NSF: variants seen among roughly 807,000 people sequenced by gnomAD.
NSF encodes vesicle-fusing ATPase.
Under a neutral mutation model 50.3 loss-of-function variants are expected in NSF, and 14 were observed. The observed-to-expected ratio is 0.28, with a 90% CI of 0.18 to 0.44. NSF has a LOEUF of 0.44. Among genes scored for constraint, NSF ranks in the 20% least tolerant of loss-of-function variants. The pLI is 1.00. For missense variants in NSF, 218 were observed against 504.3 expected (o/e 0.43, Z 5.44); for synonymous variants, 109 against 175.7 (o/e 0.62, Z 3.00).
intron 17 of NSF, among the ~76,000 whole-genome samples, chr17:46,734,552 T>C (rs537888013): frequency 1.3e-5 from 2 of 152,244 alleles, no homozygotes; most frequent in Non-Finnish European, 2.9e-5. Flanking sequence ...TGTGTGTGTA[T>C]ATATACATAT....
chr17:46,703,369 TTTTTAAAATTG>T (rs1273605616), intron 12 of NSF, among the ~76,000 whole-genome samples: 31 of 98,694 alleles, frequency 3.1e-4, no homozygotes, highest in Non-Finnish European at 6.0e-4. Context: ...TTGATTCCAA[TTTTTAAAATTG>T]TTTTAAAATG....
chr17:46,735,595 ACT>A (rs2058994854), intron 17 of NSF, among the ~76,000 whole-genome samples: 2 of 151,932 alleles, frequency 1.3e-5, no homozygotes, highest in Non-Finnish European at 2.9e-5. Context: ...TGTGTTACCT[ACT>A]CTGTTGAGGG....
chr17:46,739,228 A>G (rs2059041068), intron 17 of NSF, among the ~76,000 whole-genome samples: 1 of 152,066 alleles, frequency 6.6e-6, no homozygotes, highest in East Asian at 1.9e-4. Context: ...AAAATTAGCC[A>G]GGCATGGTGA....
intron 9 of NSF, among the ~76,000 whole-genome samples, chr17:46,680,418 TAA>T (rs1318395292): frequency 6.6e-6 from 1 of 151,488 alleles, no homozygotes; most frequent in Non-Finnish European, 1.5e-5. Flanking sequence ...TGGAAAAAGA[TAA>T]AATGCAATTC....
chr17:46,681,656 G>T, intron 9 of NSF, among the ~76,000 whole-genome samples: 1 of 125,166 alleles, frequency 8.0e-6, no homozygotes, highest in Non-Finnish European at 1.6e-5. Flanking sequence ...TCCCTTTATA[G>T]CAATCCTCTT....
chr17:46,622,481 A>G (rs924262358), intron 1 of NSF, among the ~76,000 whole-genome samples: 4 of 149,296 alleles, frequency 2.7e-5, no homozygotes, highest in Admixed American at 6.7e-5. Flanking sequence ...TAAATAAATA[A>G]ATAGATAAAT....
At position 46,736,804 on chromosome 17, in the gene NSF, T is replaced by C. The variant is rs190360942; in HGVS notation, c.1908+7870T>C. Among the ~76,000 whole-genome samples the C allele has an allele frequency of 9.8e-5, 15 of 152,342 alleles. No individual in the cohort carries two copies. In the East Asian group the frequency reaches 2.7e-3, roughly 27 times the overall value. On this transcript the variant is annotated intron_variant, in intron 17 of 20. Transcript: ENST00000398238. ...GTTCTTTTTATGACTTAAGATTTAA[T>C]TGAATATCTGAAATATGCTGTGGGT...
At chr17:46,726,644 T>A (rs1276681658) in intron 16 of NSF, 29 bp downstream of exon 16, 2 of 1,586,920 alleles carry the variant, frequency 1.3e-6, no homozygotes, top group African/African-American at 1.3e-5. Context: ...TGTTGTATTA[T>A]CTTTGCCACA....
At chr17:46,745,166 A>G (rs2059115527) in intron 17 of NSF, among the ~76,000 whole-genome samples, 1 of 152,190 alleles carries the variant, frequency 6.6e-6, no homozygotes, top group Admixed American at 6.5e-5. Flanking sequence ...TTAAAGCTGC[A>G]TCCCCATTTC....
chr17:46,710,825 G>T, intron 13 of NSF, 138 bp from the exon 14 acceptor site: 1 of 704,404 alleles, frequency 1.4e-6, no homozygotes, highest in Non-Finnish European at 2.1e-6. Context: ...TATACAAGTT[G>T]TTTTGCTTTC....
At chr17:46,752,569 T>C (rs1434249743) in intron 19 of NSF, among the ~76,000 whole-genome samples, 1 of 152,094 alleles carries the variant, frequency 6.6e-6, no homozygotes, top group African/African-American at 2.4e-5. Context: ...GTTCCTCCCG[T>C]CTCAGCCTCC....
At chr17:46,610,045 T>TCTCTC (rs1568013977) in intron 1 of NSF, among the ~76,000 whole-genome samples, 17 of 86,286 alleles carry the variant, frequency 2.0e-4, no homozygotes, top group South Asian at 1.7e-3. Context: ...CTCTCTCTCT[T>TCTCTC]TCTTTCTTTC....
At chr17:46,718,675 C>T (rs947866389) in intron 15 of NSF, among the ~76,000 whole-genome samples, 1 of 152,052 alleles carries the variant, frequency 6.6e-6, no homozygotes, top group South Asian at 2.1e-4. Context: ...ACTGACCGGC[C>T]GAATGACCTT....
chr17:46,749,936 G>C, intron 18 of NSF, 29 bp downstream of exon 18: 1 of 1,603,076 alleles, frequency 6.2e-7, no homozygotes, highest in South Asian at 1.1e-5. Context: ...ATTGCACACT[G>C]TTTATAAGAA....
intron 8 of NSF, among the ~76,000 whole-genome samples, chr17:46,657,440 G>C (rs1468167413): frequency 1.3e-5 from 2 of 152,018 alleles, no homozygotes; most frequent in Non-Finnish European, 2.9e-5. Context: ...TTGAATGGCT[G>C]TGACTTTTGG....
intron 8 of NSF, among the ~76,000 whole-genome samples, chr17:46,666,684 TA>T (rs961659544): frequency 3.3e-4 from 13 of 38,986 alleles, no homozygotes; most frequent in African/African-American, 1.1e-3. Context: ...TTATTTCATG[TA>T]AGATAATGAT....
chr17:46,755,509 C>A lies in NSF; in HGVS notation c.2213+140C>A, dbSNP rs1485554239. 5 of 793,534 alleles carry A rather than the reference C, an allele frequency of 6.3e-6. No individual in the cohort carries two copies. The Admixed American group carries it at 6.6e-5, about 10-fold the overall frequency. 49.2% of individuals were successfully genotyped at this position (793,534 alleles called of 1,614,324 possible). ...TTCGCTGTGTTGTAGGTCCGAGAGA[C>A]CAAGCAAGGAAGTTGGTTGTACTGT... On this transcript the variant is annotated intron_variant, in intron 20 of 20. Coordinates refer to ENST00000398238, the MANE Select transcript of NSF (RefSeq NM_006178.4).
chr17:46,743,002 C>G (rs1016655211), intron 17 of NSF, among the ~76,000 whole-genome samples: 2 of 152,294 alleles, frequency 1.3e-5, no homozygotes, highest in African/African-American at 4.8e-5. Flanking sequence ...CCAATTTCCT[C>G]CTCAGAAGTT....
Position 46,730,187 on chromosome 17 carries a change from A to T in NSF, c.1908+1253A>T, listed in dbSNP as rs1450412364. ...ATCTAAAGTTGCTGAAACAGAAATAATTACCCCCAACATCTACATATATTA... is the reference window on the plus strand; with the variant it reads ...ATCTAAAGTTGCTGAAACAGAAATATTTACCCCCAACATCTACATATATTA... On this transcript the variant is annotated intron_variant, in intron 17 of 20. Transcript: ENST00000398238. Among the ~76,000 whole-genome samples the T allele has an allele frequency of 2.0e-5, 3 of 152,166 alleles. No homozygotes were observed. The South Asian group carries it at 6.2e-4, about 31-fold the overall frequency.
Sources: allele counts gnomAD v4.1 joint callset (sites outside exome capture counted in the v4.1 genomes callset), GRCh38; gene constraint gnomAD v4.1.1; transcripts MANE v1.5; gene names NCBI Gene and HGNC (gene_info 2026-07-23, HGNC 2026-07-21).